Variants in FGF14 observed in about 807,000 individuals in gnomAD.
FGF14 encodes the protein fibroblast growth factor homologous factor 4.
FGF14 carries 5 observed loss-of-function variants against 25.5 expected under a neutral mutation model. The ratio of observed to expected loss-of-function variants is 0.20; its 90% confidence interval spans 0.10 to 0.41. The LOEUF (loss-of-function observed/expected upper bound fraction) is 0.41. FGF14 is among the 10% of genes least tolerant of loss of function. FGF14 has a pLI of 1.00. For missense variants in FGF14, 222 were observed against 320.1 expected (o/e 0.69, Z 2.34); for synonymous variants, 138 against 118.3 (o/e 1.17, Z -1.08).
chr13:102,323,449 A>T (rs1428109545), intron 1 of FGF14, among the ~76,000 whole-genome samples: 1 of 152,178 alleles, frequency 6.6e-6, no homozygotes, highest in Non-Finnish European at 1.5e-5. Context: ...TTTTCATATA[A>T]GTTGTCTAAC....
At chr13:101,850,105 A>C (rs1566309657) in intron 3 of FGF14, among the ~76,000 whole-genome samples, 1 of 151,682 alleles carries the variant, frequency 6.6e-6, no homozygotes, top group African/African-American at 2.4e-5. Flanking sequence ...AATGCAATGT[A>C]AGCAAAATAA....
intron 3 of FGF14, among the ~76,000 whole-genome samples, chr13:101,732,318 G>C (rs1276340217): frequency 6.6e-6 from 1 of 152,072 alleles, no homozygotes; most frequent in Non-Finnish European, 1.5e-5. Flanking sequence ...AACTATAAAA[G>C]GGGCATTCTG....
intron 1 of FGF14, among the ~76,000 whole-genome samples, chr13:101,924,635 T>C (rs181834459): frequency 6.6e-6 from 1 of 152,298 alleles, no homozygotes; most frequent in African/African-American, 2.4e-5. Flanking sequence ...AGCATGTCTG[T>C]TTATAAAACA....
chr13:101,864,935 A>AAG (rs1327206896), intron 3 of FGF14, among the ~76,000 whole-genome samples: 2 of 152,176 alleles, frequency 1.3e-5, no homozygotes, highest in Non-Finnish European at 2.9e-5. Context: ...TGAAGGATTC[A>AAG]AGAGAAATCA....
chr13:102,013,994 G>A (rs1014450507), intron 1 of FGF14, among the ~76,000 whole-genome samples: 8 of 152,058 alleles, frequency 5.3e-5, no homozygotes, highest in Non-Finnish European at 8.8e-5. Context: ...TACTTTTAAT[G>A]TACTAATGAA....
At chr13:101,872,950 G>A (rs1398988169) in intron 2 of FGF14, among the ~76,000 whole-genome samples, 1 of 151,776 alleles carries the variant, frequency 6.6e-6, no homozygotes, top group African/African-American at 2.4e-5. Flanking sequence ...TCAGGACTGT[G>A]TCTCACTAGC....
At chr13:101,817,930 C>T (rs1022725874) in intron 3 of FGF14, among the ~76,000 whole-genome samples, 2 of 152,170 alleles carry the variant, frequency 1.3e-5, no homozygotes, top group African/African-American at 2.4e-5. Context: ...TTACCACGTA[C>T]GATTGTGTAC....
intron 1 of FGF14, among the ~76,000 whole-genome samples, chr13:102,166,269 T>C (rs2048005383): frequency 6.6e-6 from 1 of 151,976 alleles, no homozygotes; most frequent in Non-Finnish European, 1.5e-5. Context: ...ATTCACTTTA[T>C]TTTATTTTAT....
At chr13:102,188,948 GAA>G (rs1328391530) in intron 1 of FGF14, among the ~76,000 whole-genome samples, 3 of 35,194 alleles carry the variant, frequency 8.5e-5, no homozygotes, top group African/African-American at 2.7e-4. Flanking sequence ...AGAAAGGAGA[GAA>G]AGAAAGAAAG....
In FGF14 at chr13:101,827,878, A is replaced by G. The variant is rs74121044; in HGVS notation, c.408+40847T>C. Among the ~76,000 whole-genome samples, 437 of 151,558 alleles carry G rather than the reference A, an allele frequency of 2.9e-3. 1 individual carries two copies. The Middle Eastern group carries it at 0.041, about 14-fold the overall frequency. ...CAGAGTCATTAACCTAAATCATTAG[A>G]GGTGAATTTAAGCAAATCGTCTTCA... On this transcript the variant is annotated intron_variant, in intron 3 of 4. Coordinates refer to ENST00000376143, the MANE Select transcript of FGF14 (RefSeq NM_004115.4).
At chr13:102,149,797 G>A (rs78097244) in intron 1 of FGF14, among the ~76,000 whole-genome samples, 2,139 of 152,236 alleles carry the variant, frequency 0.014, 48 homozygotes, top group African/African-American at 0.049. Flanking sequence ...GGGAGTTAAC[G>A]AATTGGGTAA....
chr13:102,176,861 G>GT (rs5806280), intron 1 of FGF14, among the ~76,000 whole-genome samples: 78,928 of 151,746 alleles, frequency 0.52, 21,754 homozygotes, highest in East Asian at 0.92. Context: ...TAAACGTGTG[G>GT]TTTTTTTGTA....
At chr13:102,036,358 C>T (rs1288518834) in intron 1 of FGF14, among the ~76,000 whole-genome samples, 2 of 152,116 alleles carry the variant, frequency 1.3e-5, no homozygotes, top group African/African-American at 4.8e-5. Flanking sequence ...CAGGATACAC[C>T]TCCTGTTCAC....
intron 1 of FGF14, among the ~76,000 whole-genome samples, chr13:102,064,685 C>T (rs1821380883): frequency 6.6e-6 from 1 of 151,970 alleles, no homozygotes; most frequent in South Asian, 2.1e-4. Context: ...GGTTCTGCAT[C>T]TGCAGATTCA....
chr13:102,121,834 T>C (rs530828541), intron 1 of FGF14, among the ~76,000 whole-genome samples: 34 of 152,336 alleles, frequency 2.2e-4, no homozygotes, highest in African/African-American at 8.2e-4. Context: ...GTTTGTCTCA[T>C]CTGGCTTAAA....
chr13:101,936,058 A>C (rs919924113), intron 1 of FGF14, among the ~76,000 whole-genome samples: 17 of 152,214 alleles, frequency 1.1e-4, no homozygotes, highest in African/African-American at 4.1e-4. Flanking sequence ...ACTAACATGT[A>C]CTGAATGCCA....
rs2034738120 is a variant in FGF14, at chr13:101,716,734, G to A, written c.*6097C>T. ...TGGAAACCTGGGGTCATGCAAAGAA[G>A]TCAAGACGAGAAATACTGTGATAAA... is the stretch of plus-strand genomic sequence containing the variant. On this transcript the variant is annotated 3_prime_UTR_variant, in exon 5 of 5. Transcript: ENST00000376143. 1 of 148,430 alleles carries A rather than the reference G, an allele frequency of 6.7e-6. No individual in the cohort carries two copies. 9.2% of individuals were successfully genotyped at this position (148,430 alleles called of 1,614,324 possible).
chr13:101,906,948 G>A (rs2032320460), intron 1 of FGF14, among the ~76,000 whole-genome samples: 1 of 152,020 alleles, frequency 6.6e-6, no homozygotes, highest in Admixed American at 6.6e-5. Flanking sequence ...ATGATAAACG[G>A]CCCTTCCAAA....
intron 1 of FGF14, among the ~76,000 whole-genome samples, chr13:102,360,898 C>A (rs950991950): frequency 6.6e-6 from 1 of 152,020 alleles, no homozygotes; most frequent in East Asian, 1.9e-4. Flanking sequence ...CACACACACA[C>A]GAGCCACAAA....
Sources: gnomAD v4.1 joint callset for allele counts (sites outside exome capture counted in the v4.1 genomes callset) on GRCh38, gnomAD v4.1.1 for gene constraint, MANE v1.5 for transcripts, NCBI Gene and HGNC (gene_info 2026-07-23, HGNC 2026-07-21) for gene names.